The following TTLL5 variants were observed in gnomAD, a reference collection of about 807,000 sequenced individuals.
The protein encoded by TTLL5 is tubulin tyrosine ligase like 5.
Under a neutral mutation model 168.4 loss-of-function variants are expected in TTLL5, and 132 were observed. That is an observed-to-expected ratio of 0.78 (90% CI 0.68 to 0.91). The LOEUF (loss-of-function observed/expected upper bound fraction) is 0.91. Among genes scored for constraint, TTLL5 ranks in the 40% least tolerant of loss-of-function variants. The pLI is 0.00. For synonymous variants in TTLL5, 546 were observed against 558.6 expected, an observed-to-expected ratio of 0.98 and a Z score of 0.32; for missense variants, 1,545 against 1,581.5, an observed-to-expected ratio of 0.98 and a Z score of 0.39.
intron 19 of TTLL5, 106 bp downstream of exon 19, chr14:75,764,878 A>G: frequency 1.5e-6 from 2 of 1,293,292 alleles, no homozygotes; most frequent in Non-Finnish European, 1.1e-6. Context: ...TCCTGATCAC[A>G]TACACCTTTT....
intron 28 of TTLL5, among the ~76,000 whole-genome samples, chr14:75,821,254 C>T (rs948379858): frequency 1.1e-4 from 17 of 152,158 alleles, no homozygotes; most frequent in African/African-American, 4.1e-4. Flanking sequence ...GTGGTCGGGG[C>T]GAAAAGAATC....
intron 4 of TTLL5, 113 bp from the exon 5 acceptor site, chr14:75,683,437 G>C: frequency 1.2e-6 from 1 of 812,254 alleles, no homozygotes; most frequent in Non-Finnish European, 2.0e-6. Context: ...GGGCCACCCC[G>C]GTGAGTACAC....
intron 31 of TTLL5, among the ~76,000 whole-genome samples, chr14:75,952,168 A>C (rs1017635085): frequency 6.6e-6 from 1 of 152,244 alleles, no homozygotes; most frequent in Non-Finnish European, 1.5e-5. Flanking sequence ...CCATGCCAAG[A>C]AGCATATAAA....
Position 75,707,648 on chromosome 14 carries a change from T to C in TTLL5, c.681T>C (p.Tyr227=), listed in dbSNP as rs1886754638. ...ATTTCAAGTTTGACGTGCGCCTCTA[T>C]GTGCTCGTGACTTCCTATGATCCTC... ...IDDFKFDVRL[Y]VLVTSYDPLV... The change falls in exon 9 of 32, where the codon TAT becomes TAC. Residue 227 remains tyrosine (Y), a synonymous_variant. Coordinates refer to ENST00000298832, the MANE Select transcript of TTLL5 (RefSeq NM_015072.5). 3 of 1,613,090 alleles carry C rather than the reference T, an allele frequency of 1.9e-6. No individual in the cohort carries two copies. The highest frequency in any genetic ancestry group is 1.7e-5 in the Admixed American group (1 of 59,950).
chr14:75,807,538 G>C (rs1372289857), intron 27 of TTLL5, among the ~76,000 whole-genome samples: 1 of 152,192 alleles, frequency 6.6e-6, no homozygotes, highest in Non-Finnish European at 1.5e-5. Context: ...CTGTGCCAAG[G>C]ACTTTATATG....
At chr14:75,915,060 A>G (rs1203843762) in intron 31 of TTLL5, among the ~76,000 whole-genome samples, 1 of 152,246 alleles carries the variant, frequency 6.6e-6, no homozygotes, top group Non-Finnish European at 1.5e-5. Flanking sequence ...CAAAGTTAAA[A>G]TGAGATTGAA....
intron 30 of TTLL5, among the ~76,000 whole-genome samples, chr14:75,886,344 T>C (rs1363966199): frequency 6.6e-6 from 1 of 152,198 alleles, no homozygotes; most frequent in Non-Finnish European, 1.5e-5. Flanking sequence ...TTTATGATAA[T>C]ACTCAAGTTG....
chr14:75,773,957 AAGAGAG>A (rs1166420551), intron 21 of TTLL5, among the ~76,000 whole-genome samples: 1,180 of 43,204 alleles, frequency 0.027, 36 homozygotes, highest in African/African-American at 0.066. Flanking sequence ...GAGAGAGAGA[AAGAGAG>A]AGAGAGAGAG....
intron 3 of TTLL5, among the ~76,000 whole-genome samples, chr14:75,675,762 A>T (rs1222130797): frequency 6.6e-6 from 1 of 152,204 alleles, no homozygotes; most frequent in Non-Finnish European, 1.5e-5. Context: ...AGTTCTTGTT[A>T]CGGGAGAGAA....
chr14:75,866,574 C>T (rs2139960939), intron 29 of TTLL5, among the ~76,000 whole-genome samples: 1 of 152,266 alleles, frequency 6.6e-6, no homozygotes, highest in Admixed American at 6.5e-5. Context: ...ATAGTAATCT[C>T]CTAATAATGT....
chr14:75,765,201 T>C (rs1890890176), intron 19 of TTLL5, among the ~76,000 whole-genome samples: 1 of 152,198 alleles, frequency 6.6e-6, no homozygotes, highest in South Asian at 2.1e-4. Flanking sequence ...TGTAGGTCTG[T>C]TTATAATTGA....
At position 75,954,887 on chromosome 14, in the gene TTLL5, CTTAAAA is replaced by C. The variant is rs2035061538; in HGVS notation, c.*444_*449del. The C allele has an allele frequency of 6.3e-6, 1 of 157,562 alleles. No individual in the cohort carries two copies. Among genetic ancestry groups the C allele is most frequent in the Admixed American group, 6.3e-5 (1 of 15,754 alleles). The allele number at this position is 157,562 out of a possible 1,614,324, so 9.8% of individuals were successfully genotyped here. A position where few individuals can be genotyped will look rare whatever the true frequency, so the allele number is the denominator to read the frequency against. On this transcript the variant is annotated 3_prime_UTR_variant, in exon 32 of 32. Transcript: ENST00000298832. ...TGAAGCTTTATTTTCTTTGTACAAG[CTTAAAA>C]TTTCAACATCATCATCCGCCAAAGT...
intron 28 of TTLL5, among the ~76,000 whole-genome samples, chr14:75,834,422 G>C (rs1895762894): frequency 6.6e-6 from 1 of 152,116 alleles, no homozygotes; most frequent in African/African-American, 2.4e-5. Context: ...AAGAAATCAA[G>C]GGAGTTTTTA....
chr14:75,760,369 A>G (rs1306233927), intron 18 of TTLL5, among the ~76,000 whole-genome samples: 1 of 152,114 alleles, frequency 6.6e-6, no homozygotes, highest in Non-Finnish European at 1.5e-5. Flanking sequence ...GATATGCCAT[A>G]TTTGTTGATT....
At chr14:75,915,968 C>T (rs1236553089) in intron 31 of TTLL5, among the ~76,000 whole-genome samples, 1 of 151,896 alleles carries the variant, frequency 6.6e-6, no homozygotes, top group Non-Finnish European at 1.5e-5. Context: ...TCTCTACAGA[C>T]AATAAAAACA....
At chr14:75,781,323 A>G (rs1361199634) in intron 24 of TTLL5, among the ~76,000 whole-genome samples, 2 of 152,210 alleles carry the variant, frequency 1.3e-5, no homozygotes, top group Admixed American at 6.5e-5. Context: ...GACGTCAATC[A>G]AGGAAACAAC....
intron 28 of TTLL5, among the ~76,000 whole-genome samples, chr14:75,841,658 T>A (rs1896258155): frequency 6.6e-6 from 1 of 152,246 alleles, no homozygotes. Flanking sequence ...TACATGGGGC[T>A]GTAAATCGGG....
Position 75,663,082 on chromosome 14 carries a change from C to A in TTLL5, c.-68C>A. On this transcript the variant is annotated 5_prime_UTR_variant, in exon 2 of 32. Coordinates refer to ENST00000298832, the MANE Select transcript of TTLL5 (RefSeq NM_015072.5). ...ATCTGTGCCATCCAAATTGCTTGAT[C>A]CAGTGAATCTGCTAGGAAAGGTCTC... is the stretch of plus-strand genomic sequence containing the variant. 7.1e-7 allele frequency: 1 copy of A among 1,416,688 alleles called. No homozygotes were observed. Among genetic ancestry groups the A allele is most frequent in the Non-Finnish European group, 9.9e-7 (1 of 1,010,238 alleles). 87.8% of individuals were successfully genotyped at this position (1,416,688 alleles called of 1,614,324 possible). A position where few individuals can be genotyped will look rare whatever the true frequency, so the allele number is the denominator to read the frequency against.
chr14:75,924,981 C>A (rs1460037099), intron 31 of TTLL5, among the ~76,000 whole-genome samples: 2 of 147,716 alleles, frequency 1.4e-5, no homozygotes, highest in African/African-American at 5.1e-5. Flanking sequence ...CCACCTCACT[C>A]CCGGACGGGG....
Sources: allele counts gnomAD v4.1 joint callset (sites outside exome capture counted in the v4.1 genomes callset), GRCh38; gene constraint gnomAD v4.1.1; transcripts MANE v1.5; gene names NCBI Gene and HGNC (gene_info 2026-07-23, HGNC 2026-07-21).